The following CIITA variants were observed in gnomAD, a reference collection of about 807,000 sequenced individuals.
CIITA encodes MHC class II transactivator.
CIITA carries 72 observed loss-of-function variants against 115.1 expected under a neutral mutation model. The ratio of observed to expected loss-of-function variants is 0.63; its 90% CI spans 0.52 to 0.76. The LOEUF (loss-of-function observed/expected upper bound fraction) is 0.76, where lower values mean the gene tolerates loss of function less well. Ranked by LOEUF, CIITA falls within the 30% of genes least tolerant of loss-of-function variation. The pLI, the probability that CIITA is intolerant of heterozygous loss-of-function variation, is 0.00. For missense variants in CIITA, 1,617 were observed against 1,463.8 expected, an observed-to-expected ratio of 1.10 and a Z score of -1.71; for synonymous variants, 763 against 635.6, an observed-to-expected ratio of 1.20 and a Z score of -3.02.
Position 10,906,814 on chromosome 16 carries a change from G to A in CIITA, c.1322G>A (p.Arg441Gln), listed in dbSNP as rs201662987. Residue 441 changes from arginine to glutamine, a missense_variant, in exon 11 of 20, where the codon CGG becomes CAG. Coordinates refer to ENST00000324288, the MANE Select transcript of CIITA (RefSeq NM_000246.4). Reference sequence around the variant, plus strand: ...GTGAGCCGGGCCTGGGCTTGTGGCCGGCTTCCCCAGTACGACTTTGTCTTC... The same window carrying A: ...GTGAGCCGGGCCTGGGCTTGTGGCCAGCTTCCCCAGTACGACTTTGTCTTC... ...GAVSRAWACGRLPQYDFVFSV... is the reference protein window; with the variant it reads ...GAVSRAWACGQLPQYDFVFSV... 53 of 1,612,734 alleles carry A rather than the reference G, an allele frequency of 3.3e-5. No homozygotes were observed. The highest frequency in any genetic ancestry group is 9.3e-5 in the African/African-American group (7 of 75,050).
At chr16:10,915,079 G>A (rs138212479) in intron 13 of CIITA, 2 of 454,732 alleles carry the variant, frequency 4.4e-6, no homozygotes, top group Non-Finnish European at 8.8e-6. Flanking sequence ...TTGAGACAGG[G>A]TCTCGCTCTT....
At chr16:10,866,993 C>T (rs997856372) in intron 1 of CIITA, among the ~76,000 whole-genome samples, 1 of 152,208 alleles carries the variant, frequency 6.6e-6, no homozygotes, top group Admixed American at 6.5e-5. Context: ...CGCCTGTAAT[C>T]CCAGCATTTT....
chr16:10,922,801 T>A (rs768233518), intron 18 of CIITA: 9 of 524,332 alleles, frequency 1.7e-5, no homozygotes, highest in Non-Finnish European at 2.8e-5. Flanking sequence ...CATCCACCCA[T>A]TTTTGACCTG....
chr16:10,921,326 C>T (rs1234625264), intron 16 of CIITA, among the ~76,000 whole-genome samples: 1 of 152,250 alleles, frequency 6.6e-6, no homozygotes, highest in African/African-American at 2.4e-5. Context: ...GCTATTTTCA[C>T]TGCTACTAAT....
rs146480205 is a variant in CIITA at position 10,917,610 on chromosome 16, G to A, written c.3063-830G>A. The stretch of plus-strand genomic sequence containing the variant: ...TTCTCACACCTCAGCCTCCCAAGTA[G>A]CTGGAATTACAGGCATGCACCACTA... On this transcript the variant is annotated intron_variant, in intron 15 of 19. Coordinates refer to ENST00000324288, the MANE Select transcript of CIITA (RefSeq NM_000246.4). Among the ~76,000 whole-genome samples, 524 of 151,626 alleles carry A rather than the reference G, an allele frequency of 3.5e-3. 5 individuals are homozygous for A. The highest frequency in any genetic ancestry group is 0.012 in the African/African-American group (507 of 41,294).
chr16:10,866,537 C>T (rs965894227), intron 1 of CIITA: 1 of 551,372 alleles, frequency 1.8e-6, no homozygotes, highest in East Asian at 4.0e-5. Flanking sequence ...CAGCCCCCAG[C>T]AGCCGAGAGG....
Position 10,929,445 on chromosome 16 carries a change from T to G in CIITA, c.*5590T>G. On this transcript the variant is annotated 3_prime_UTR_variant, in exon 20 of 20. Coordinates refer to ENST00000324288, the MANE Select transcript of CIITA (RefSeq NM_000246.4). The surrounding 1 kb of genome is among the most constrained non-coding windows in gnomAD (Gnocchi z 4.3). ...CTTGGGATGCCTCTTGCGTTCCCCC[T>G]TCTGTGGGAGCAGGTGCCTTCCCAA... is the stretch of plus-strand genomic sequence containing the variant. 2.0e-6 allele frequency: 2 copies of G among 985,812 alleles called. No individual in the cohort carries two copies. The highest frequency in any genetic ancestry group is 2.4e-6 in the Non-Finnish European group (2 of 829,948). The allele number at this position is 985,812 out of a possible 1,614,324, so 61.1% of individuals were successfully genotyped here. A position where few individuals can be genotyped will look rare whatever the true frequency, so the allele number is the denominator to read the frequency against.
chr16:10,895,265 A>G lies in CIITA; in HGVS notation c.53-17A>G. 1 of 1,613,480 alleles carries G rather than the reference A, an allele frequency of 6.2e-7. No individual in the cohort carries two copies. Among genetic ancestry groups the G allele is most frequent in the Non-Finnish European group, 8.5e-7 (1 of 1,179,968 alleles). On this transcript the variant is annotated splice_polypyrimidine_tract_variant and intron_variant, in intron 1 of 19. Transcript: ENST00000324288. Reference sequence around the variant, plus strand: ...CCAACACCCTGTGAGGTGACTGAGCATTGTCTTCCCTCCCAGGCAGCTCAC... The same window carrying G: ...CCAACACCCTGTGAGGTGACTGAGCGTTGTCTTCCCTCCCAGGCAGCTCAC...
intron 8 of CIITA, 83 bp from the exon 9 acceptor site, chr16:10,903,648 C>G (rs528058263): frequency 6.9e-7 from 1 of 1,441,008 alleles, no homozygotes; most frequent in Non-Finnish European, 9.8e-7. Flanking sequence ...GCTCCACAGC[C>G]CAGTTTGGAG....
rs776312221 is a variant in CIITA, at chr16:10,895,371, TACC to T, written c.145_147del (p.His49del). The T allele has an allele frequency of 7.5e-5, 121 of 1,613,998 alleles. No homozygotes were observed. The highest frequency in any genetic ancestry group is 1.0e-4 in the Non-Finnish European group (118 of 1,180,032). On this transcript the variant is annotated inframe_deletion, in exon 2 of 20. Transcript: ENST00000324288. ...CAGCGATGCTGACCCCCTGTGCCTC[TACC>T]ACTTCTATGACCAGATGGACCTGGC...
At chr16:10,912,424 T>C (rs558043008) in intron 13 of CIITA, among the ~76,000 whole-genome samples, 1 of 152,172 alleles carries the variant, frequency 6.6e-6, no homozygotes, top group Non-Finnish European at 1.5e-5. Flanking sequence ...TATAATTCAG[T>C]GCATTTTATA....
Position 10,900,437 on chromosome 16 carries a change from G to T in CIITA, c.437-1077G>T, listed in dbSNP as rs113461393. 1.4e-3 allele frequency among the ~76,000 whole-genome samples: 217 copies of T among 151,970 alleles called. 3 individuals are homozygous for T. Among genetic ancestry groups the T allele is most frequent in the African/African-American group, 5.0e-3 (206 of 41,440 alleles). ...TCATTTGATAAATATTTCCCCCCAAGATTTTATTGTGAAAGTTTTCGGCCA... is the reference window on the plus strand; with the variant it reads ...TCATTTGATAAATATTTCCCCCCAATATTTTATTGTGAAAGTTTTCGGCCA... On this transcript the variant is annotated intron_variant, in intron 5 of 19. Transcript: ENST00000324288.
In CIITA at chr16:10,911,216, CTCTT is replaced by C. The variant is rs993089063; in HGVS notation, c.2888+963_2888+966del. On this transcript the variant is annotated intron_variant, in intron 13 of 19. Coordinates refer to ENST00000324288, the MANE Select transcript of CIITA (RefSeq NM_000246.4). Reference sequence around the variant, plus strand: ...TTTCTTTCTTTCTTTCCTTTCTTCTCTCTTTCTTTTTCTTTCTTTCTTCTTTCTT... The same window carrying C: ...TTTCTTTCTTTCTTTCCTTTCTTCTCTCTTTTTCTTTCTTTCTTCTTTCTT... 1.8e-4 allele frequency among the ~76,000 whole-genome samples: 25 copies of C among 142,640 alleles called. No homozygotes were observed. In the East Asian group the frequency reaches 2.1e-3, roughly 12 times the overall value. The allele number at this position is 142,640 out of a possible 152,430, so 93.6% of individuals were successfully genotyped here.
intron 15 of CIITA, among the ~76,000 whole-genome samples, chr16:10,918,197 G>C (rs559713594): frequency 6.6e-6 from 1 of 152,358 alleles, no homozygotes; most frequent in East Asian, 1.9e-4. Flanking sequence ...AGAGGGAAAA[G>C]AGGGGATGTT....
At chr16:10,917,335 G>A (rs2040009227) in intron 15 of CIITA, among the ~76,000 whole-genome samples, 1 of 152,106 alleles carries the variant, frequency 6.6e-6, no homozygotes. Context: ...ACCACGTCCC[G>A]CTAATTTTTG....
At position 10,906,733 on chromosome 16, in the gene CIITA, G is replaced by T. The variant is rs572327540; in HGVS notation, c.1241G>T (p.Arg414Leu). The change falls in exon 11 of 20, where the codon CGA becomes CTA. Residue 414 changes from arginine to leucine, a missense_variant. Transcript: ENST00000324288. Reference protein sequence around the residue: ...AKEHRRPRETRVIAVLGKAGQ... With the variant: ...AKEHRRPRETLVIAVLGKAGQ... ...GAGCACCGGCGGCCGCGTGAGACAC[G>T]AGTGATTGCTGTGCTGGGCAAAGCT... The T allele has an allele frequency of 4.3e-6, 7 of 1,610,838 alleles. No individual in the cohort carries two copies. Among genetic ancestry groups the T allele is most frequent in the Non-Finnish European group, 5.9e-6 (7 of 1,179,792 alleles).
chr16:10,902,515 A>G, intron 7 of CIITA, 143 bp from the exon 8 acceptor site: 1 of 1,039,924 alleles, frequency 9.6e-7, no homozygotes, highest in Non-Finnish European at 1.5e-6. Context: ...TAAGAATTCC[A>G]TCAGGGCAGG....
chr16:10,918,394 C>A, intron 15 of CIITA, 46 bp from the exon 16 acceptor site: 1 of 1,512,172 alleles, frequency 6.6e-7, no homozygotes, highest in Non-Finnish European at 9.2e-7. Context: ...CAAAGTGAGG[C>A]ATGCAAGTTT....
Position 10,908,028 on chromosome 16 carries a change from CAT to C in CIITA, c.2537_2538del (p.His846ArgfsTer150). 6.2e-7 allele frequency: 1 copy of C among 1,611,222 alleles called. No individual in the cohort carries two copies. Among genetic ancestry groups the C allele is most frequent in the Non-Finnish European group, 8.5e-7 (1 of 1,177,800 alleles). On this transcript the variant is annotated frameshift_variant, in exon 11 of 20. Transcript: ENST00000324288. LOFTEE classifies it high-confidence loss of function. ...LGTRLTPPDA[H>X]VLGKALEAAG... ...CACCCGCCTCACGCCTCCTGATGCA[CAT>C]GTACTGGGCAAGGCCTTGGAGGCGG...
Sources: allele counts gnomAD v4.1 joint callset (sites outside exome capture counted in the v4.1 genomes callset), GRCh38; gene constraint gnomAD v4.1.1; non-coding constraint Gnocchi (gnomAD v3.1); transcripts MANE v1.5; gene names NCBI Gene and HGNC (gene_info 2026-07-23, HGNC 2026-07-21).